The following FUT8 variants were observed in gnomAD, a reference collection of about 807,000 sequenced individuals.
FUT8 encodes the protein alpha-(1,6)-fucosyltransferase.
Under a neutral mutation model 71.3 loss-of-function variants are expected in FUT8, and 29 were observed. The ratio of observed to expected loss-of-function variants is 0.41; its 90% CI spans 0.30 to 0.55. The LOEUF (loss-of-function observed/expected upper bound fraction) is 0.55, where lower values mean the gene tolerates loss of function less well. Among genes scored for constraint, FUT8 ranks in the 20% least tolerant of loss-of-function variants. FUT8 has a pLI of 0.34. For synonymous variants in FUT8, 254 were observed against 239.3 expected (o/e 1.06, Z -0.57); for missense variants, 544 against 702.1 (o/e 0.77, Z 2.55).
At position 65,475,762 on chromosome 14, in the gene FUT8, A is replaced by C. The variant is rs78368343; in HGVS notation, c.-228+20044A>C. Among the ~76,000 whole-genome samples, 619 of 151,986 alleles carry C rather than the reference A, an allele frequency of 4.1e-3. 16 individuals carry two copies. In the East Asian group the frequency reaches 0.075, roughly 18 times the overall value. On this transcript the variant is annotated intron_variant, in intron 2 of 10. Transcript: ENST00000673929. ...AGAGCCACTGCAATCCAGCCTCCGC[A>C]ACAGAGTGAGACCTTGTCTTGGGGG...
At position 65,489,291 on chromosome 14, in the gene FUT8, T is replaced by C. The variant is rs2066451228; in HGVS notation, c.-228+33573T>C. ...CCTCATTCTCCTCCACCTGTAACAA[T>C]GGTGAATATGAAGCAAGTGTTCAGT... On this transcript the variant is annotated intron_variant, in intron 2 of 10. Transcript: ENST00000673929. The surrounding 1 kb of genome is among the most constrained non-coding windows in gnomAD (Gnocchi z 4.0). 6.6e-6 allele frequency among the ~76,000 whole-genome samples: 1 copy of C among 152,116 alleles called. No individual in the cohort carries two copies. The highest frequency in any genetic ancestry group is 1.5e-5 in the Non-Finnish European group (1 of 67,992).
At chr14:65,561,948 G>C (rs1885937079) in intron 3 of FUT8, among the ~76,000 whole-genome samples, 182 bp downstream of exon 3, 1 of 152,100 alleles carries the variant, frequency 6.6e-6, no homozygotes, top group Non-Finnish European at 1.5e-5. Flanking sequence ...CCAACCCACA[G>C]CCCATGGGCC....
chr14:65,372,968 G>A, the FUT8 span, among the ~76,000 whole-genome samples: 30 of 152,084 alleles, frequency 2.0e-4, no homozygotes, highest in Admixed American at 1.9e-3. Flanking sequence ...AACAGAATTC[G>A]GGGTAGGGAG....
At chr14:65,708,427 A>G (rs997174985) in intron 7 of FUT8, among the ~76,000 whole-genome samples, 1 of 152,234 alleles carries the variant, frequency 6.6e-6, no homozygotes, top group Non-Finnish European at 1.5e-5. Flanking sequence ...ATGGACTAAT[A>G]CAGATAATGT....
intron 3 of FUT8, among the ~76,000 whole-genome samples, chr14:65,579,844 C>T (rs1026672381): frequency 3.3e-5 from 5 of 152,036 alleles, no homozygotes; most frequent in African/African-American, 1.2e-4. Flanking sequence ...GAGCTGATGT[C>T]ACCTTTCTAC....
At chr14:65,505,897 A>G (rs1478772316) in intron 2 of FUT8, among the ~76,000 whole-genome samples, 2 of 151,936 alleles carry the variant, frequency 1.3e-5, no homozygotes, top group Non-Finnish European at 2.9e-5. Flanking sequence ...AGGAAAACTT[A>G]TTTGTCCAAC....
At chr14:65,676,513 T>C (rs1004954923) in intron 7 of FUT8, among the ~76,000 whole-genome samples, 3 of 152,216 alleles carry the variant, frequency 2.0e-5, no homozygotes, top group Non-Finnish European at 4.4e-5. Context: ...TTGAGTCGTG[T>C]TTGAAACATT....
At position 65,651,332 on chromosome 14, in the gene FUT8, C is replaced by T. The variant is rs369962430; in HGVS notation, c.598-17911C>T. Among the ~76,000 whole-genome samples, 19 of 152,176 alleles carry T rather than the reference C, an allele frequency of 1.2e-4. 3 individuals are homozygous for T. The highest frequency in any genetic ancestry group is 4.3e-4 in the African/African-American group (18 of 41,432). On this transcript the variant is annotated intron_variant, in intron 6 of 10. Transcript: ENST00000673929. ...TACCACCCAGGTTTCAGACTGGCCT[C>T]TGGGTAGCCCAGTGGGGCAGAACAG...
intron 1 of FUT8, among the ~76,000 whole-genome samples, chr14:65,430,851 C>T (rs2065461781): frequency 6.6e-6 from 1 of 152,090 alleles, no homozygotes; most frequent in Non-Finnish European, 1.5e-5. Flanking sequence ...ATCAAATAGA[C>T]TGAAGAATTT....
intron 1 of FUT8, among the ~76,000 whole-genome samples, chr14:65,440,758 AT>A (rs2065642443): frequency 6.6e-6 from 1 of 152,132 alleles, no homozygotes; most frequent in South Asian, 2.1e-4. Flanking sequence ...TATAGTTGGT[AT>A]AATTGGTAAG....
At chr14:65,579,684 G>T (rs1367227757) in intron 3 of FUT8, among the ~76,000 whole-genome samples, 1 of 152,134 alleles carries the variant, frequency 6.6e-6, no homozygotes, top group Non-Finnish European at 1.5e-5. Context: ...ATATGGAGTA[G>T]AAATAGATAT....
chr14:65,414,214 C>T (rs2065185320), intron 1 of FUT8, among the ~76,000 whole-genome samples: 1 of 152,172 alleles, frequency 6.6e-6, no homozygotes, highest in South Asian at 2.1e-4. Flanking sequence ...TTAAACGCAT[C>T]TCAAGTAACT....
chr14:65,516,812 A>G (rs1882740547), intron 2 of FUT8, among the ~76,000 whole-genome samples: 1 of 151,934 alleles, frequency 6.6e-6, no homozygotes, highest in Non-Finnish European at 1.5e-5. Context: ...CATCATCACT[A>G]TCTCCAGAAC....
At position 65,482,429 on chromosome 14, in the gene FUT8, C is replaced by T. The variant is rs559514535; in HGVS notation, c.-228+26711C>T. On this transcript the variant is annotated intron_variant, in intron 2 of 10. Transcript: ENST00000673929. ...AGCAACACCCTCCAAATTCCTCTTA[C>T]ATGACAAGAAGAAGCTGAATGTAAT... Among the ~76,000 whole-genome samples, 3 of 152,202 alleles carry T rather than the reference C, an allele frequency of 2.0e-5. No individual in the cohort carries two copies. In the South Asian group the frequency reaches 6.2e-4, roughly 32 times the overall value.
intron 3 of FUT8, among the ~76,000 whole-genome samples, chr14:65,602,794 T>C (rs1222151659): frequency 6.6e-6 from 1 of 152,028 alleles, no homozygotes; most frequent in African/African-American, 2.4e-5. Context: ...TTTCTTCATA[T>C]GTCTTTTGGA....
At chr14:65,590,812 A>G (rs746489874) in intron 3 of FUT8, among the ~76,000 whole-genome samples, 10 of 152,312 alleles carry the variant, frequency 6.6e-5, no homozygotes, top group Non-Finnish European at 1.3e-4. Flanking sequence ...GGCAAAGGAT[A>G]GTAGTATTCT....
chr14:65,614,957 A>G (rs1409632132), intron 3 of FUT8, among the ~76,000 whole-genome samples: 1 of 152,184 alleles, frequency 6.6e-6, no homozygotes, highest in Non-Finnish European at 1.5e-5. Flanking sequence ...AGGAACAAGC[A>G]CAGTTTGGAA....
chr14:65,650,166 GCAC>G (rs1891303336), intron 6 of FUT8, among the ~76,000 whole-genome samples: 1 of 151,950 alleles, frequency 6.6e-6, no homozygotes, highest in Admixed American at 6.6e-5. Context: ...GGGCGTGGTG[GCAC>G]GCGCCTGTAA....
At chr14:65,734,213 A>G (rs779926473) in intron 10 of FUT8, among the ~76,000 whole-genome samples, 2 of 152,214 alleles carry the variant, frequency 1.3e-5, no homozygotes, top group Non-Finnish European at 2.9e-5. Context: ...GAGAATAATT[A>G]CCAGAACATA....
Sources: allele counts gnomAD v4.1 joint callset (sites outside exome capture counted in the v4.1 genomes callset), GRCh38; gene constraint gnomAD v4.1.1; non-coding constraint Gnocchi (gnomAD v3.1); transcripts MANE v1.5; gene names NCBI Gene and HGNC (gene_info 2026-07-23, HGNC 2026-07-21).